The following DYSF variants were observed in gnomAD, a reference collection of about 807,000 sequenced individuals.
The protein encoded by DYSF is dystrophy-associated fer-1-like 1.
A neutral mutation model predicts 274.9 loss-of-function variants in DYSF; 212 were observed. The observed-to-expected ratio is 0.77, with a 90% CI of 0.69 to 0.86. DYSF has a LOEUF of 0.86. Ranked by LOEUF, DYSF falls within the 40% of genes least tolerant of loss-of-function variation. DYSF has a pLI of 0.00. For synonymous variants in DYSF, 1,091 were observed against 1,078.7 expected, an observed-to-expected ratio of 1.01 and a Z score of -0.22; for missense variants, 2,666 against 2,783.2, an observed-to-expected ratio of 0.96 and a Z score of 0.95.
At chr2:71,538,424 A>C (rs1026209883) in intron 16 of DYSF, among the ~76,000 whole-genome samples, 6 of 152,182 alleles carry the variant, frequency 3.9e-5, no homozygotes, top group African/African-American at 1.4e-4. Flanking sequence ...CCCTGGAAGC[A>C]GGCCCTATGC....
chr2:71,659,069 G>A, intron 44 of DYSF, 36 bp downstream of exon 44: 1 of 1,613,852 alleles, frequency 6.2e-7, no homozygotes. Context: ...CCCCAGAGTA[G>A]CAGGCTCAGG....
intron 22 of DYSF, among the ~76,000 whole-genome samples, chr2:71,560,145 C>G (rs889737676): frequency 1.3e-5 from 2 of 152,226 alleles, no homozygotes; most frequent in Non-Finnish European, 2.9e-5. Context: ...TTCCGTACCC[C>G]CTGCCTTGGG....
chr2:71,560,313 C>G (rs371946325), intron 22 of DYSF, among the ~76,000 whole-genome samples: 2 of 151,028 alleles, frequency 1.3e-5, no homozygotes, highest in South Asian at 4.2e-4. Context: ...GCTCCCGACC[C>G]GGGCTGGGCG....
chr2:71,598,639 G>A lies in DYSF; in HGVS notation c.3650G>A (p.Trp1217Ter). 6.2e-7 allele frequency: 1 copy of A among 1,614,176 alleles called. No homozygotes were observed. The highest frequency in any genetic ancestry group is 1.1e-5 in the South Asian group (1 of 91,090). ...GTGAAGAACACCCTTAACCCCACCT[G>A]GGACCAGACGCTCATCTTCTACGAG... ...VVVKNTLNPT[W>*]DQTLIFYEIE... Residue 1217 changes from tryptophan to a stop codon, truncating the protein, a stop_gained, in exon 33 of 56, where the codon TGG becomes TAG. Coordinates refer to ENST00000410020, the MANE Select transcript of DYSF (RefSeq NM_001130987.2). LOFTEE classifies it high-confidence loss of function.
chr2:71,656,107 T>C, intron 42 of DYSF, 55 bp from the exon 43 acceptor site: 5 of 1,608,762 alleles, frequency 3.1e-6, no homozygotes, highest in Middle Eastern at 1.7e-4. Flanking sequence ...TCCTTTGCTG[T>C]TGTTCTACTT....
intron 42 of DYSF, among the ~76,000 whole-genome samples, chr2:71,647,281 G>T (rs1168478914): frequency 6.6e-6 from 1 of 152,094 alleles, no homozygotes; most frequent in African/African-American, 2.4e-5. Context: ...ATAAAAAATG[G>T]AGAATACATT....
chr2:71,572,309 G>T (rs1283787136), intron 29 of DYSF, among the ~76,000 whole-genome samples: 2 of 119,892 alleles, frequency 1.7e-5, no homozygotes, highest in East Asian at 5.3e-4. Flanking sequence ...ATCACACCCA[G>T]CACACAGAAA....
At position 71,511,866 on chromosome 2, in the gene DYSF, GC is replaced by G. The variant is rs886043342; in HGVS notation, c.410del (p.Pro137LeufsTer15). ...TGCCTGGAGCTGTGCCCCTGTTCCC[GC>G]CCCCTACTCCTCTGGAGCCCTCCCC... Reference protein sequence around the residue: ...PLPGAVPLFPPPTPLEPSPTL... With the variant: ...PLPGAVPLFPXPTPLEPSPTL... On this transcript the variant is annotated frameshift_variant, in exon 5 of 56. Transcript: ENST00000410020. LOFTEE classifies it high-confidence loss of function. The G allele has an allele frequency of 3.2e-6, 5 of 1,551,264 alleles. No homozygotes were observed. In the African/African-American group the frequency reaches 5.5e-5, roughly 17 times the overall value.
chr2:71,557,377 A>G (rs1424609273), intron 22 of DYSF, among the ~76,000 whole-genome samples: 2 of 152,232 alleles, frequency 1.3e-5, no homozygotes, highest in Non-Finnish European at 2.9e-5. Context: ...AGAAGCCTGA[A>G]ATGCCTGCTG....
chr2:71,578,932 A>G (rs2092799485), intron 30 of DYSF, among the ~76,000 whole-genome samples: 1 of 152,198 alleles, frequency 6.6e-6, no homozygotes, highest in Non-Finnish European at 1.5e-5. Flanking sequence ...TGCTGTCTCC[A>G]TCCCGAGCAT....
At chr2:71,643,262 A>G (rs765132959) in intron 41 of DYSF, among the ~76,000 whole-genome samples, 1 of 152,220 alleles carries the variant, frequency 6.6e-6, no homozygotes, top group Non-Finnish European at 1.5e-5. Context: ...AGGCCTGTCC[A>G]TCTTTTCCTG....
At chr2:71,571,715 A>ACC (rs1219905090) in intron 29 of DYSF, among the ~76,000 whole-genome samples, 5 of 137,528 alleles carry the variant, frequency 3.6e-5, no homozygotes, top group Non-Finnish European at 6.2e-5. Flanking sequence ...CAGTCAGCAC[A>ACC]CACAGATCAC....
intron 24 of DYSF, among the ~76,000 whole-genome samples, chr2:71,564,445 G>C (rs746677075): frequency 6.6e-6 from 1 of 152,202 alleles, no homozygotes; most frequent in Non-Finnish European, 1.5e-5. Flanking sequence ...GGAATCACTG[G>C]CGCTGGGAGT....
chr2:71,479,371 G>A (rs62143766), intron 1 of DYSF, among the ~76,000 whole-genome samples: 1 of 151,836 alleles, frequency 6.6e-6, no homozygotes, highest in African/African-American at 2.4e-5. Flanking sequence ...GACCTACTGG[G>A]CTTAGTGGGG....
At chr2:71,559,742 T>A (rs2091597213) in intron 22 of DYSF, among the ~76,000 whole-genome samples, 1 of 152,184 alleles carries the variant, frequency 6.6e-6, no homozygotes. Flanking sequence ...GGCCACTTCC[T>A]CCAGGAAGGG....
chr2:71,604,655 CG>C (rs2093615211), intron 36 of DYSF, among the ~76,000 whole-genome samples: 1 of 152,172 alleles, frequency 6.6e-6, no homozygotes, highest in African/African-American at 2.4e-5. Flanking sequence ...CCAGTAGGAA[CG>C]GATGGGGCAA....
chr2:71,593,210 G>T (rs2093320609), intron 32 of DYSF, among the ~76,000 whole-genome samples: 1 of 136,192 alleles, frequency 7.3e-6, no homozygotes, highest in African/African-American at 2.8e-5. Flanking sequence ...TTGGCTCACT[G>T]CAACCTCCGC....
rs536338930 is a variant in DYSF, at chr2:71,588,045, G to A, written c.3403-1548G>A. Among the ~76,000 whole-genome samples, 73 of 152,350 alleles carry A rather than the reference G, an allele frequency of 4.8e-4. 1 individual carries two copies. Among genetic ancestry groups the A allele is most frequent in the South Asian group, 4.4e-3 (21 of 4,826 alleles). ...CTTAGGTGTCCTAAGATGATCTGAA[G>A]ACGGGGAGGCCTGGGATGGTTGACG... On this transcript the variant is annotated intron_variant, in intron 30 of 55. Coordinates refer to ENST00000410020, the MANE Select transcript of DYSF (RefSeq NM_001130987.2).
chr2:71,601,640 C>G, intron 35 of DYSF, 112 bp downstream of exon 35: 1 of 1,432,126 alleles, frequency 7.0e-7, no homozygotes, highest in Non-Finnish European at 9.8e-7. Flanking sequence ...CTGCCTCAAG[C>G]CCCCGGGGAA....
Sources: gnomAD v4.1 joint callset for allele counts (sites outside exome capture counted in the v4.1 genomes callset) on GRCh38, gnomAD v4.1.1 for gene constraint, MANE v1.5 for transcripts, NCBI Gene and HGNC (gene_info 2026-07-23, HGNC 2026-07-21) for gene names.